The following BIRC6 variants were observed in gnomAD, a reference collection of about 807,000 sequenced individuals.
BIRC6 encodes baculoviral IAP repeat containing 6.
Under a neutral mutation model 503.3 loss-of-function variants are expected in BIRC6, and 98 were observed. The ratio of observed to expected loss-of-function variants is 0.19; its 90% CI spans 0.17 to 0.23. The LOEUF (loss-of-function observed/expected upper bound fraction) is 0.23. BIRC6 is among the 10% of genes least tolerant of loss of function. The probability of loss-of-function intolerance (pLI) is 1.00; values close to 1 mark genes in which losing one functional copy is unlikely to be tolerated. For synonymous variants in BIRC6, 2,240 were observed against 2,078.7 expected (o/e 1.08, Z -2.11); for missense variants, 5,360 against 5,806.0 (o/e 0.92, Z 2.50).
intron 61 of BIRC6, among the ~76,000 whole-genome samples, chr2:32,540,278 T>C (rs1376017772): frequency 6.6e-6 from 1 of 152,106 alleles, no homozygotes; most frequent in East Asian, 1.9e-4. Context: ...GAAAGTATCA[T>C]GTCTTCTCAG....
At chr2:32,580,111 G>A (rs192471280) in intron 66 of BIRC6, among the ~76,000 whole-genome samples, 1 of 151,930 alleles carries the variant, frequency 6.6e-6, no homozygotes, top group African/African-American at 2.4e-5. Flanking sequence ...GTGTCACCAC[G>A]CCCAGCTAAT....
intron 33 of BIRC6, among the ~76,000 whole-genome samples, chr2:32,475,811 T>C (rs1295741407): frequency 6.6e-6 from 1 of 152,110 alleles, no homozygotes; most frequent in Non-Finnish European, 1.5e-5. Flanking sequence ...ATAAAAAATA[T>C]AGACATACCA....
rs1053340108 is a variant in BIRC6, at chr2:32,377,972, A to G, written c.507+203A>G. On this transcript the variant is annotated intron_variant, in intron 2 of 73. Coordinates refer to ENST00000421745, the MANE Select transcript of BIRC6 (RefSeq NM_016252.4). ...TAATTCTTGTTGAAGTGGTGTTTTT[A>G]GGTGTGAATGGTGCATCAGCACAGG... Among the ~76,000 whole-genome samples, 54 of 152,194 alleles carry G rather than the reference A, an allele frequency of 3.5e-4. 1 individual carries two copies. The highest frequency in any genetic ancestry group is 1.3e-3 in the African/African-American group (52 of 41,444).
intron 10 of BIRC6, among the ~76,000 whole-genome samples, chr2:32,422,920 C>T (rs1375259538): frequency 2.0e-5 from 3 of 151,992 alleles, no homozygotes; most frequent in African/African-American, 7.3e-5. Flanking sequence ...TTCCTTGGTG[C>T]ACATATGTAA....
At position 32,503,098 on chromosome 2, in the gene BIRC6, A is replaced by G; in HGVS notation, c.9361A>G (p.Thr3121Ala). 6.2e-7 allele frequency: 1 copy of G among 1,611,130 alleles called. No individual in the cohort carries two copies. The highest frequency in any genetic ancestry group is 1.1e-5 in the South Asian group (1 of 90,528). Residue 3121 changes from threonine to alanine, a missense_variant, in exon 49 of 74, where the codon ACT becomes GCT. Transcript: ENST00000421745. ...TACTAGTACAAGGGCTATTGTGAAC[A>G]CTGCAAGAAGTATGGTATCAACTAT... ...MVTSTRAIVN[T>A]ARSMVSTIMK...
chr2:32,603,673 G>A (rs2062220088), intron 71 of BIRC6, among the ~76,000 whole-genome samples: 1 of 152,054 alleles, frequency 6.6e-6, no homozygotes, highest in South Asian at 2.1e-4. Context: ...GCAGTGAGCC[G>A]AGATCACGGC....
Position 32,569,396 on chromosome 2 carries a change from T to A in BIRC6, c.13145-5760T>A, listed in dbSNP as rs146681616. ...TTATTTTTAATTTTATTTGACAGGG[T>A]CTTGCTCCGTCGCCCAGGCTAGAGT... On this transcript the variant is annotated intron_variant, in intron 65 of 73. Coordinates refer to ENST00000421745, the MANE Select transcript of BIRC6 (RefSeq NM_016252.4). 1.8e-4 allele frequency among the ~76,000 whole-genome samples: 27 copies of A among 152,300 alleles called. No homozygotes were observed. The East Asian group carries it at 5.0e-3, about 28-fold the overall frequency.
chr2:32,501,220 A>T (rs1336080376), intron 46 of BIRC6, among the ~76,000 whole-genome samples: 5 of 152,080 alleles, frequency 3.3e-5, no homozygotes, highest in Non-Finnish European at 7.4e-5. Context: ...TTTCTTTGTC[A>T]GTGTGTGAGA....
intron 1 of BIRC6, among the ~76,000 whole-genome samples, chr2:32,362,394 C>T (rs1265380733): frequency 6.6e-6 from 1 of 150,832 alleles, no homozygotes; most frequent in East Asian, 1.9e-4. Context: ...CGGCTCACTG[C>T]AAGCTCCGCC....
chr2:32,535,774 A>G (rs2057181681), intron 61 of BIRC6, among the ~76,000 whole-genome samples: 1 of 152,188 alleles, frequency 6.6e-6, no homozygotes, highest in Non-Finnish European at 1.5e-5. Context: ...ATACGTGTGC[A>G]TGTGTCTTTA....
chr2:32,543,754 G>T (rs2057848234), intron 62 of BIRC6, among the ~76,000 whole-genome samples: 1 of 151,984 alleles, frequency 6.6e-6, no homozygotes, highest in African/African-American at 2.4e-5. Flanking sequence ...TATTTTCCTT[G>T]TGCTGACAAA....
chr2:32,534,762 G>T (rs1376162352), intron 61 of BIRC6, among the ~76,000 whole-genome samples: 24 of 139,420 alleles, frequency 1.7e-4, no homozygotes, highest in African/African-American at 4.6e-4. Context: ...AAAAAAAATG[G>T]TTCAAATGGA....
At chr2:32,367,249 G>A (rs910038089) in intron 1 of BIRC6, among the ~76,000 whole-genome samples, 2 of 152,054 alleles carry the variant, frequency 1.3e-5, no homozygotes, top group Non-Finnish European at 2.9e-5. Flanking sequence ...GGTCACCTGA[G>A]GTACGGAGTT....
Position 32,575,180 on chromosome 2 carries a change from C to T in BIRC6, c.13169C>T (p.Pro4390Leu), listed in dbSNP as rs2060182164. 2 of 1,613,924 alleles carry T rather than the reference C, an allele frequency of 1.2e-6. No individual in the cohort carries two copies. The highest frequency in any genetic ancestry group is 1.7e-6 in the Non-Finnish European group (2 of 1,179,882). The change falls in exon 66 of 74, where the codon CCA becomes CTA. Residue 4390 changes from proline (P) to leucine (L), a missense_variant. Transcript: ENST00000421745. ...DSVLDMARHV[P>L]LYRALLELLR... ...GTTCTGGACATGGCAAGACATGTGC[C>T]ACTCTATCGGGCACTGCTGGAATTG...
intron 10 of BIRC6, among the ~76,000 whole-genome samples, chr2:32,427,868 C>G (rs1385009187): frequency 6.6e-6 from 1 of 152,064 alleles, no homozygotes; most frequent in Non-Finnish European, 1.5e-5. Context: ...TATCTCCCTA[C>G]CTTTTGCCAG....
intron 16 of BIRC6, among the ~76,000 whole-genome samples, chr2:32,440,751 T>TTTTTTTATTATTATTA (rs773312894): frequency 2.7e-5 from 4 of 147,180 alleles, no homozygotes; most frequent in Non-Finnish European, 6.0e-5. Context: ...TGTTTATTTA[T>TTTTTTTATTATTATTA]TTATTATTAT....
chr2:32,552,588 A>G (rs1199259338), intron 65 of BIRC6, among the ~76,000 whole-genome samples: 1 of 152,188 alleles, frequency 6.6e-6, no homozygotes, highest in Non-Finnish European at 1.5e-5. Context: ...TTCCATTACT[A>G]ACTTGTCACA....
intron 3 of BIRC6, among the ~76,000 whole-genome samples, chr2:32,385,811 A>G (rs942545665): frequency 3.3e-5 from 5 of 152,176 alleles, no homozygotes; most frequent in South Asian, 4.2e-4. Flanking sequence ...ACATTCAAGT[A>G]TGCTAAATAT....
In BIRC6 at chr2:32,470,235, C is replaced by T. The variant is rs2048970074; in HGVS notation, c.6415C>T (p.Leu2139Phe). Residue 2139 changes from leucine (L) to phenylalanine (F), a missense_variant, in exon 31 of 74, where the codon CTT becomes TTT. Leu to Phe is a conservative substitution (Grantham distance 22). Coordinates refer to ENST00000421745, the MANE Select transcript of BIRC6 (RefSeq NM_016252.4). ...TAATAGTGGAGTATTAGAAAGCTTA[C>T]TTAATCTCTTGGATAATTTATTGTC... Reference protein sequence around the residue: ...LSNSGVLESLLNLLDNLLSPL... With the variant: ...LSNSGVLESLFNLLDNLLSPL... 1 of 1,572,096 alleles carries T rather than the reference C, an allele frequency of 6.4e-7. No individual in the cohort carries two copies. Among genetic ancestry groups the T allele is most frequent in the Non-Finnish European group, 8.6e-7 (1 of 1,156,668 alleles).
Sources: allele counts gnomAD v4.1 joint callset (sites outside exome capture counted in the v4.1 genomes callset), GRCh38; gene constraint gnomAD v4.1.1; transcripts MANE v1.5; gene names NCBI Gene and HGNC (gene_info 2026-07-23, HGNC 2026-07-21).